CTNND2: variants seen among roughly 807,000 people sequenced by gnomAD.
The protein encoded by CTNND2 is catenin delta-2.
Under a neutral mutation model 144.4 loss-of-function variants are expected in CTNND2, and 22 were observed. The ratio of observed to expected loss-of-function variants is 0.15; its 90% CI spans 0.11 to 0.22. The LOEUF (loss-of-function observed/expected upper bound fraction) is 0.22, where lower values mean the gene tolerates loss of function less well. CTNND2 is among the 10% of genes least tolerant of loss of function. The probability of loss-of-function intolerance (pLI) is 1.00; values close to 1 mark genes in which losing one functional copy is unlikely to be tolerated. For synonymous variants in CTNND2, 751 were observed against 695.6 expected (o/e 1.08, Z -1.25); for missense variants, 1,353 against 1,618.8 (o/e 0.84, Z 2.82).
intron 12 of CTNND2, among the ~76,000 whole-genome samples, chr5:11,158,442 C>T (rs1342392285): frequency 6.6e-6 from 1 of 152,142 alleles, no homozygotes; most frequent in Non-Finnish European, 1.5e-5. Context: ...AGAGAAATCA[C>T]GTCAGATGTT....
chr5:11,479,422 C>A (rs1371705011), intron 3 of CTNND2, among the ~76,000 whole-genome samples: 1 of 152,144 alleles, frequency 6.6e-6, no homozygotes, highest in Admixed American at 6.5e-5. Context: ...AGGTAGATAA[C>A]ATGTCTTTGC....
intron 2 of CTNND2, among the ~76,000 whole-genome samples, chr5:11,674,698 AG>A (rs1784076522): frequency 7.1e-6 from 1 of 141,302 alleles, no homozygotes; most frequent in Non-Finnish European, 1.5e-5. Context: ...ATGCATATGC[AG>A]TTTTTTTGTT....
chr5:11,041,403 G>T (rs1017066826), intron 16 of CTNND2, among the ~76,000 whole-genome samples: 2 of 152,170 alleles, frequency 1.3e-5, no homozygotes, highest in Non-Finnish European at 2.9e-5. Context: ...TAAATGGTAT[G>T]GGAAAGGTCA....
intron 3 of CTNND2, among the ~76,000 whole-genome samples, chr5:11,515,111 C>CAA (rs5865953): frequency 0.19 from 25,597 of 135,342 alleles, 3,652 homozygotes; most frequent in African/African-American, 0.41. Flanking sequence ...TAATGCACAC[C>CAA]AAAAAAAAAA....
intron 14 of CTNND2, among the ~76,000 whole-genome samples, chr5:11,099,163 C>T (rs1439157042): frequency 6.6e-6 from 1 of 152,180 alleles, no homozygotes; most frequent in African/African-American, 2.4e-5. Context: ...TTACCAACAA[C>T]AAATGCCCTC....
At chr5:11,553,898 G>A (rs1046433458) in intron 3 of CTNND2, among the ~76,000 whole-genome samples, 2 of 151,924 alleles carry the variant, frequency 1.3e-5, no homozygotes, top group Non-Finnish European at 2.9e-5. Flanking sequence ...TTAGCTTTTT[G>A]AAGTAAGATG....
At chr5:11,543,362 G>A (rs915462839) in intron 3 of CTNND2, among the ~76,000 whole-genome samples, 5 of 152,278 alleles carry the variant, frequency 3.3e-5, no homozygotes, top group South Asian at 4.1e-4. Context: ...GCTTCAGGGC[G>A]GAAGACATTC....
rs112929327 is a variant in CTNND2 at position 11,823,897 on chromosome 5, C to T, written c.37+79920G>A. On this transcript the variant is annotated intron_variant, in intron 1 of 21. Transcript: ENST00000304623. ...CTGAGGCAGGCAGATTACTTGAGGT[C>T]AGGAGTTTGAGACCAGCCTGGCCAA... Among the ~76,000 whole-genome samples, 478 of 152,082 alleles carry T rather than the reference C, an allele frequency of 3.1e-3. 4 individuals carry two copies. Among genetic ancestry groups the T allele is most frequent in the African/African-American group, 0.011 (443 of 41,500 alleles).
intron 2 of CTNND2, among the ~76,000 whole-genome samples, chr5:11,611,837 C>G (rs1353462792): frequency 1.3e-5 from 2 of 152,164 alleles, no homozygotes; most frequent in African/African-American, 4.8e-5. Context: ...AGCACACTAT[C>G]TAGATATTTC....
At chr5:11,757,258 G>C (rs1465964109) in intron 1 of CTNND2, among the ~76,000 whole-genome samples, 1 of 151,358 alleles carries the variant, frequency 6.6e-6, no homozygotes, top group Non-Finnish European at 1.5e-5. Flanking sequence ...TTTCCAATCA[G>C]GATGTCTTCG....
In CTNND2 at chr5:11,803,234, C is replaced by T. The variant is rs113753823; in HGVS notation, c.38-70962G>A. Among the ~76,000 whole-genome samples, 317 of 152,036 alleles carry T rather than the reference C, an allele frequency of 2.1e-3. 1 individual carries two copies. The East Asian group carries it at 0.037, about 18-fold the overall frequency. Reference sequence around the variant, plus strand: ...ACTCAGGAGGCTGAGGCAGGAGAATCGCTTTAACCAGGGAGTCGGAGGTTG... The same window carrying T: ...ACTCAGGAGGCTGAGGCAGGAGAATTGCTTTAACCAGGGAGTCGGAGGTTG... On this transcript the variant is annotated intron_variant, in intron 1 of 21. Coordinates refer to ENST00000304623, the MANE Select transcript of CTNND2 (RefSeq NM_001332.4).
intron 1 of CTNND2, among the ~76,000 whole-genome samples, chr5:11,767,672 C>G (rs553469248): frequency 6.6e-6 from 1 of 152,092 alleles, no homozygotes; most frequent in Non-Finnish European, 1.5e-5. Context: ...GACTGGCATA[C>G]GGCACCATTC....
At chr5:11,034,053 A>G (rs1743792046) in intron 16 of CTNND2, among the ~76,000 whole-genome samples, 1 of 152,254 alleles carries the variant, frequency 6.6e-6, no homozygotes, top group African/African-American at 2.4e-5. Flanking sequence ...AATATTTAGT[A>G]TCTAAGGTAA....
At chr5:11,579,669 C>T (rs1467448415) in intron 2 of CTNND2, among the ~76,000 whole-genome samples, 1 of 152,200 alleles carries the variant, frequency 6.6e-6, no homozygotes, top group Admixed American at 6.5e-5. Context: ...ATAAGCTCAA[C>T]TCCATTAAAC....
intron 1 of CTNND2, among the ~76,000 whole-genome samples, chr5:11,741,316 C>A (rs192314671): frequency 6.6e-6 from 1 of 152,152 alleles, no homozygotes; most frequent in Non-Finnish European, 1.5e-5. Flanking sequence ...TTGAAACCAA[C>A]CCATATGTCC....
intron 1 of CTNND2, among the ~76,000 whole-genome samples, chr5:11,804,702 G>A (rs928567413): frequency 6.6e-6 from 1 of 152,146 alleles, no homozygotes; most frequent in Non-Finnish European, 1.5e-5. Flanking sequence ...CAGGGGTTTG[G>A]AAGGAGGAGA....
intron 2 of CTNND2, among the ~76,000 whole-genome samples, chr5:11,624,529 T>C (rs1781050752): frequency 6.6e-6 from 1 of 152,136 alleles, no homozygotes; most frequent in Non-Finnish European, 1.5e-5. Context: ...ACTCTGTAGG[T>C]TGTATTTTAT....
At chr5:11,386,124 C>T (rs1168769856) in intron 6 of CTNND2, 1 of 152,182 alleles carries the variant, frequency 6.6e-6, no homozygotes, top group East Asian at 1.9e-4. Flanking sequence ...GAATCTTGTC[C>T]AGAGACAAAT....
intron 2 of CTNND2, among the ~76,000 whole-genome samples, chr5:11,615,673 C>T (rs1412592428): frequency 6.6e-6 from 1 of 152,156 alleles, no homozygotes; most frequent in Non-Finnish European, 1.5e-5. Flanking sequence ...TACGTAGAAA[C>T]TCTATATTCT....
Sources: gnomAD v4.1 joint callset for allele counts (sites outside exome capture counted in the v4.1 genomes callset) on GRCh38, gnomAD v4.1.1 for gene constraint, MANE v1.5 for transcripts, NCBI Gene and HGNC (gene_info 2026-07-23, HGNC 2026-07-21) for gene names.